PREX2: variants seen among roughly 807,000 people sequenced by gnomAD.
PREX2 encodes phosphatidylinositol-3,4,5-trisphosphate dependent Rac exchange factor 2, also known as phosphatidylinositol 3,4,5-trisphosphate-dependent Rac exchanger 2 protein.
PREX2 carries 107 observed loss-of-function variants against 203.2 expected under a neutral mutation model. That is an observed-to-expected ratio of 0.53 (90% CI 0.45 to 0.62). The LOEUF (loss-of-function observed/expected upper bound fraction) is 0.62. Ranked by LOEUF, PREX2 falls within the 20% of genes least tolerant of loss-of-function variation. PREX2 has a pLI of 0.00. For missense variants in PREX2, 1,777 were observed against 1,955.9 expected (o/e 0.91, Z 1.72); for synonymous variants, 672 against 663.6 (o/e 1.01, Z -0.19).
intron 35 of PREX2, among the ~76,000 whole-genome samples, chr8:68,182,510 C>T (rs1812104429): frequency 6.6e-6 from 1 of 151,954 alleles, no homozygotes; most frequent in Non-Finnish European, 1.5e-5. Context: ...AAGAGTAATT[C>T]CTCCTGCATA....
At chr8:68,057,457 A>T (rs1355736126) in intron 10 of PREX2, among the ~76,000 whole-genome samples, 1 of 152,190 alleles carries the variant, frequency 6.6e-6, no homozygotes, top group Admixed American at 6.5e-5. Flanking sequence ...TCTATAGGCC[A>T]GGAAACCCTC....
chr8:68,075,468 A>G (rs1448536955), intron 14 of PREX2, among the ~76,000 whole-genome samples: 1 of 152,260 alleles, frequency 6.6e-6, no homozygotes, highest in Middle Eastern at 3.4e-3. Flanking sequence ...CTGCAGCGTC[A>G]TCACCCCCAG....
intron 37 of PREX2, among the ~76,000 whole-genome samples, chr8:68,196,465 C>A (rs1297686901): frequency 6.8e-6 from 1 of 146,842 alleles, no homozygotes; most frequent in Non-Finnish European, 1.5e-5. Context: ...AATGGAGACA[C>A]TATATATATG....
rs1808095750 is a variant in PREX2 at position 68,038,312 on chromosome 8, A to C, written c.839+20A>C. 6.2e-7 allele frequency: 1 copy of C among 1,612,528 alleles called. No individual in the cohort carries two copies. The highest frequency in any genetic ancestry group is 1.3e-5 in the African/African-American group (1 of 74,988). On this transcript the variant is annotated intron_variant, in intron 7 of 39. Coordinates refer to ENST00000288368, the MANE Select transcript of PREX2 (RefSeq NM_024870.4). ...ACACAGGTAAGATCCTAAGCAGGAC[A>C]CACTTCAGAAGTGGTCACAGTTTCT... is the stretch of plus-strand genomic sequence containing the variant.
chr8:68,224,728 C>A, intron 39 of PREX2, 102 bp downstream of exon 39: 1 of 795,692 alleles, frequency 1.3e-6, no homozygotes, highest in Non-Finnish European at 2.1e-6. Flanking sequence ...TGCCCCGTGT[C>A]GTACTGATTG....
intron 35 of PREX2, among the ~76,000 whole-genome samples, chr8:68,169,968 G>A (rs538636734): frequency 2.0e-5 from 3 of 152,282 alleles, no homozygotes; most frequent in African/African-American, 2.4e-5. Context: ...TATAAAACAA[G>A]CTGATCTACT....
rs77107661 is a variant in PREX2, at chr8:67,960,077, A to G, written c.141+7542A>G. 5.9e-5 allele frequency among the ~76,000 whole-genome samples: 9 copies of G among 151,898 alleles called. No homozygotes were observed. The East Asian group carries it at 1.4e-3, about 23-fold the overall frequency. ...TTAATTAATTTATTGATCTCACTCT[A>G]TCGCCCAGGCTGGAGTGCAGTGGCG... is the stretch of plus-strand genomic sequence containing the variant. On this transcript the variant is annotated intron_variant, in intron 1 of 39. Coordinates refer to ENST00000288368, the MANE Select transcript of PREX2 (RefSeq NM_024870.4).
chr8:68,211,066 G>T (rs1346549653), intron 37 of PREX2, among the ~76,000 whole-genome samples: 2 of 152,158 alleles, frequency 1.3e-5, no homozygotes, highest in Admixed American at 6.5e-5. Context: ...TAGAAATACA[G>T]TTGGGAAAGA....
At chr8:68,211,385 T>G (rs1376702545) in intron 37 of PREX2, among the ~76,000 whole-genome samples, 1 of 152,188 alleles carries the variant, frequency 6.6e-6, no homozygotes, top group Non-Finnish European at 1.5e-5. Context: ...ACTATAAAAG[T>G]ATAAACCTTT....
At chr8:68,174,989 A>G (rs1429900020) in intron 35 of PREX2, among the ~76,000 whole-genome samples, 1 of 152,228 alleles carries the variant, frequency 6.6e-6, no homozygotes, top group Non-Finnish European at 1.5e-5. Flanking sequence ...ACAGAGATGA[A>G]CCGGACAATA....
rs930267906 is a variant in PREX2 at position 67,991,491 on chromosome 8, G to A, written c.142-26355G>A. ...TACAATCATGGCGGAAGGTAAAGGG[G>A]AAGCAAACACCTTCTTTACAAGGTG... On this transcript the variant is annotated intron_variant, in intron 1 of 39. Coordinates refer to ENST00000288368, the MANE Select transcript of PREX2 (RefSeq NM_024870.4). Among the ~76,000 whole-genome samples the A allele has an allele frequency of 5.3e-5, 8 of 152,294 alleles. No individual in the cohort carries two copies. The South Asian group carries it at 6.2e-4, about 12-fold the overall frequency.
In PREX2 at chr8:68,081,433, A is replaced by C. The variant is rs375009618; in HGVS notation, c.1878+595A>C. ...CCTGTCCTAGAGTCCTTCAACTGTG[A>C]ACTTCTTGACCTTCTGGGAGGCCAA... On this transcript the variant is annotated intron_variant, in intron 17 of 39. Transcript: ENST00000288368. Among the ~76,000 whole-genome samples, 5 of 152,010 alleles carry C rather than the reference A, an allele frequency of 3.3e-5. No individual in the cohort carries two copies. The East Asian group carries it at 7.7e-4, about 24-fold the overall frequency.
chr8:68,055,558 A>G (rs2129611198), intron 9 of PREX2, among the ~76,000 whole-genome samples: 1 of 152,260 alleles, frequency 6.6e-6, no homozygotes, highest in East Asian at 1.9e-4. Context: ...ATGGAAGCTG[A>G]GACTCAGCTG....
intron 35 of PREX2, among the ~76,000 whole-genome samples, chr8:68,161,107 G>C (rs531226244): frequency 9.9e-5 from 14 of 141,216 alleles, no homozygotes; most frequent in Non-Finnish European, 6.2e-5. Flanking sequence ...CTTTTTTTTT[G>C]GGGGGGGGAC....
At position 68,235,354 on chromosome 8, in the gene PREX2, T is replaced by C. The variant is rs1249220423; in HGVS notation, c.*3976T>C. 1 of 152,216 alleles carries C rather than the reference T, an allele frequency of 6.6e-6. No homozygotes were observed. Among genetic ancestry groups the C allele is most frequent in the African/African-American group, 2.4e-5 (1 of 41,462 alleles). 9.4% of individuals were successfully genotyped at this position (152,216 alleles called of 1,614,324 possible). On this transcript the variant is annotated 3_prime_UTR_variant, in exon 40 of 40. Coordinates refer to ENST00000288368, the MANE Select transcript of PREX2 (RefSeq NM_024870.4). The stretch of plus-strand genomic sequence containing the variant: ...TTTGACTAAATTGCTTGTGAATTTT[T>C]GGAAACTATGTTTAATTTTTAAAGA...
rs528375690 is a variant in PREX2, at chr8:67,992,028, G to T, written c.142-25818G>T. 5.9e-5 allele frequency among the ~76,000 whole-genome samples: 9 copies of T among 152,312 alleles called. No individual in the cohort carries two copies. In the South Asian group the frequency reaches 1.9e-3, roughly 32 times the overall value. On this transcript the variant is annotated intron_variant, in intron 1 of 39. Transcript: ENST00000288368. ...CTAGTCAGGACAGAGGTACTGAAAA[G>T]ATAGCCCAAGCAATGCATTAAGTAC... is the stretch of plus-strand genomic sequence containing the variant.
intron 35 of PREX2, among the ~76,000 whole-genome samples, chr8:68,183,110 G>T (rs1326173837): frequency 1.3e-5 from 2 of 151,928 alleles, no homozygotes; most frequent in Non-Finnish European, 2.9e-5. Context: ...TAAAATGTGA[G>T]GCTTTTGGCA....
chr8:68,116,579 C>T (rs372094903), intron 26 of PREX2, among the ~76,000 whole-genome samples: 2 of 152,178 alleles, frequency 1.3e-5, no homozygotes, highest in African/African-American at 4.8e-5. Context: ...GGATCCGTGC[C>T]AGGCGTGGCT....
intron 10 of PREX2, among the ~76,000 whole-genome samples, chr8:68,058,859 T>C (rs1472964036): frequency 6.6e-6 from 1 of 152,258 alleles, no homozygotes; most frequent in African/African-American, 2.4e-5. Flanking sequence ...CGTTGTCTTA[T>C]GGCAAAGTAC....
Sources: allele counts gnomAD v4.1 joint callset (sites outside exome capture counted in the v4.1 genomes callset), GRCh38; gene constraint gnomAD v4.1.1; transcripts MANE v1.5; gene names NCBI Gene and HGNC (gene_info 2026-07-23, HGNC 2026-07-21).